Variants in SLC8B1 observed in about 807,000 individuals in gnomAD.
The protein encoded by SLC8B1 is solute carrier family 8 member B1, also known as mitochondrial sodium/calcium exchanger protein.
In SLC8B1, 52 loss-of-function variants were observed where a neutral mutation model predicts 63.4. That is an observed-to-expected ratio of 0.82 (90% confidence interval 0.66 to 1.03). The LOEUF is 1.03. SLC8B1 is among the 50% of genes least tolerant of loss of function. The pLI is 0.00. For missense variants in SLC8B1, 657 were observed against 741.7 expected, an observed-to-expected ratio of 0.89 and a Z score of 1.33; for synonymous variants, 336 against 323.9, an observed-to-expected ratio of 1.04 and a Z score of -0.40.
intron 15 of SLC8B1, 145 bp from the exon 16 acceptor site, chr12:113,300,119 T>C (rs1956559672): frequency 1.6e-6 from 1 of 622,152 alleles, no homozygotes; most frequent in South Asian, 1.9e-5. Context: ...TCAGCAACAA[T>C]GCAGCCTCAA....
chr12:113,315,855 C>A (rs1043435566), intron 10 of SLC8B1, among the ~76,000 whole-genome samples: 3 of 152,172 alleles, frequency 2.0e-5, no homozygotes, highest in Admixed American at 2.0e-4. Flanking sequence ...TGACTCTGAC[C>A]CTCCTGCCTC....
At chr12:113,325,067 T>C (rs1956980200) in intron 2 of SLC8B1, among the ~76,000 whole-genome samples, 1 of 152,144 alleles carries the variant, frequency 6.6e-6, no homozygotes, top group African/African-American at 2.4e-5. Flanking sequence ...TTCAGTCTCA[T>C]TTGTAAAATG....
chr12:113,308,189 A>C (rs1956703355), intron 12 of SLC8B1: 1 of 217,468 alleles, frequency 4.6e-6, no homozygotes, highest in South Asian at 6.1e-5. Context: ...TCTACTAAAA[A>C]TACAAAAATT....
In SLC8B1 at chr12:113,321,116, G is replaced by T. The variant is rs1461312780; in HGVS notation, c.310-8C>A. Reference sequence around the variant, plus strand: ...GTAGAGCAGCCAGGAAACCTGGGTGGGGAGCGGGCGAGGAAGGGAGAGTCA... The same window carrying T: ...GTAGAGCAGCCAGGAAACCTGGGTGTGGAGCGGGCGAGGAAGGGAGAGTCA... On this transcript the variant is annotated splice_region_variant and splice_polypyrimidine_tract_variant and intron_variant, in intron 3 of 15. Transcript: ENST00000680972. The T allele has an allele frequency of 4.3e-6, 7 of 1,614,034 alleles. No homozygotes were observed. Among genetic ancestry groups the T allele is most frequent in the Non-Finnish European group, 5.9e-6 (7 of 1,179,958 alleles).
intron 2 of SLC8B1, among the ~76,000 whole-genome samples, chr12:113,324,389 C>T (rs933593907): frequency 6.0e-5 from 9 of 150,150 alleles, no homozygotes; most frequent in African/African-American, 2.0e-4. Flanking sequence ...CCCACTCAGC[C>T]ACTCAGCTCT....
At chr12:113,330,440 G>T (rs934304407) in intron 2 of SLC8B1, among the ~76,000 whole-genome samples, 1 of 152,190 alleles carries the variant, frequency 6.6e-6, no homozygotes, top group African/African-American at 2.4e-5. Flanking sequence ...TCCTGGCTCT[G>T]CCACTTTCCT....
rs60824560 is a variant in SLC8B1, at chr12:113,306,066, C to CAAAAAAAAAAAAAAAAAAA, written c.1492+410_1492+428dup. On this transcript the variant is annotated intron_variant, in intron 14 of 15. Transcript: ENST00000680972. ...CGAGCCAGACTCCGTCCCCACCCTG[C>CAAAAAAAAAAAAAAAAAAA]AAAAAAAAAAAAAAAAAAAAAAAAA... 1.4e-3 allele frequency among the ~76,000 whole-genome samples: 25 copies of CAAAAAAAAAAAAAAAAAAA among 18,100 alleles called. 1 individual carries two copies. The highest frequency in any genetic ancestry group is 2.8e-3 in the South Asian group (1 of 354). 11.9% of individuals were successfully genotyped at this position (18,100 alleles called of 152,430 possible).
At chr12:113,319,427 C>T (rs547268114) in intron 7 of SLC8B1, 5 of 232,410 alleles carry the variant, frequency 2.2e-5, no homozygotes, top group South Asian at 2.0e-4. Flanking sequence ...GACAGGAAAT[C>T]AGAAGCAGCG....
At chr12:113,311,936 TG>T (rs1346822417) in intron 11 of SLC8B1, among the ~76,000 whole-genome samples, 1 of 152,070 alleles carries the variant, frequency 6.6e-6, no homozygotes, top group Non-Finnish European at 1.5e-5. Context: ...ACACCTGGGC[TG>T]GAAGTCCTTT....
In SLC8B1 at chr12:113,332,968, G is replaced by T; in HGVS notation, c.-82-8C>A. 6.7e-7 allele frequency: 1 copy of T among 1,502,210 alleles called. No individual in the cohort carries two copies. The highest frequency in any genetic ancestry group is 9.0e-7 in the Non-Finnish European group (1 of 1,112,956). The allele number at this position is 1,502,210 out of a possible 1,614,324, so 93.1% of individuals were successfully genotyped here. On this transcript the variant is annotated splice_polypyrimidine_tract_variant and splice_region_variant and intron_variant, in intron 1 of 15. Transcript: ENST00000680972. The stretch of plus-strand genomic sequence containing the variant: ...GCTGGCGGCTCCGGTGGCCTGCAAG[G>T]TGGGAGTGAGAAAGGGGGACAACAT...
Position 113,332,774 on chromosome 12 carries a change from G to A in SLC8B1, c.105C>T (p.His35=), listed in dbSNP as rs1193462710. The change falls in exon 2 of 16, where the codon CAC becomes CAT. Residue 35 remains histidine, a synonymous_variant. Transcript: ENST00000680972. ...SGTRGSSTGA[H]ISPQFPASGV... ...CTGAAGCTGGAAACTGGGGGCTAAT[G>A]TGAGCTCCTGTAGACGAGCCCCTAG... 1 of 1,614,162 alleles carries A rather than the reference G, an allele frequency of 6.2e-7. No homozygotes were observed. The highest frequency in any genetic ancestry group is 8.5e-7 in the Non-Finnish European group (1 of 1,180,032).
chr12:113,318,054 A>G (rs896943016), intron 8 of SLC8B1, among the ~76,000 whole-genome samples: 1 of 151,670 alleles, frequency 6.6e-6, no homozygotes, highest in Non-Finnish European at 1.5e-5. Context: ...ATGCATCTGT[A>G]TGTGTTGCAT....
chr12:113,304,286 T>C lies in SLC8B1; in HGVS notation c.1557+35A>G, dbSNP rs375425670. On this transcript the variant is annotated intron_variant, in intron 15 of 15. Transcript: ENST00000680972. ...CCTTCCCCATCAAGCTACATCTTGG[T>C]TATATACACTTGTAAACTTACAAGG... 1.1e-5 allele frequency: 18 copies of C among 1,603,966 alleles called. No individual in the cohort carries two copies. In the African/African-American group the frequency reaches 1.7e-4, roughly 16 times the overall value.
At chr12:113,300,413 G>A (rs1956567812) in intron 15 of SLC8B1, among the ~76,000 whole-genome samples, 1 of 152,216 alleles carries the variant, frequency 6.6e-6, no homozygotes, top group African/African-American at 2.4e-5. Context: ...AACTCAGGAG[G>A]CGGAGGTTGC....
chr12:113,310,480 G>A, intron 11 of SLC8B1, 125 bp from the exon 12 acceptor site: 2 of 1,279,136 alleles, frequency 1.6e-6, no homozygotes, highest in African/African-American at 1.5e-5. Context: ...CTTCATGGGG[G>A]CAGAAAAATT....
intron 15 of SLC8B1, among the ~76,000 whole-genome samples, chr12:113,303,948 T>C (rs1174900563): frequency 6.6e-6 from 1 of 152,196 alleles, no homozygotes; most frequent in Non-Finnish European, 1.5e-5. Flanking sequence ...TGGCGCAATC[T>C]TGGCTCACTG....
chr12:113,323,463 C>T (rs1593256548), intron 2 of SLC8B1, among the ~76,000 whole-genome samples: 2 of 152,256 alleles, frequency 1.3e-5, no homozygotes, highest in Non-Finnish European at 2.9e-5. Flanking sequence ...AATCCCAGCA[C>T]GTTGGGAGGC....
intron 1 of SLC8B1, among the ~76,000 whole-genome samples, chr12:113,333,650 C>T (rs1393729560): frequency 1.3e-5 from 2 of 151,994 alleles, no homozygotes; most frequent in Admixed American, 6.6e-5. Context: ...GAAATGTCAC[C>T]CCCCCGCCCC....
chr12:113,310,423 T>G (rs1956742082), intron 11 of SLC8B1, 68 bp from the exon 12 acceptor site: 1 of 1,560,028 alleles, frequency 6.4e-7, no homozygotes, highest in Admixed American at 1.9e-5. Context: ...ATGGACTATT[T>G]GGATGTCAGG....
Sources: gnomAD v4.1 joint callset for allele counts (sites outside exome capture counted in the v4.1 genomes callset) on GRCh38, gnomAD v4.1.1 for gene constraint, MANE v1.5 for transcripts, NCBI Gene and HGNC (gene_info 2026-07-23, HGNC 2026-07-21) for gene names.